CPNE4: variants seen among roughly 807,000 people sequenced by gnomAD.
CPNE4 encodes copine-4.
A neutral mutation model predicts 67.9 loss-of-function variants in CPNE4; 25 were observed. The ratio of observed to expected loss-of-function variants is 0.37; its 90% CI spans 0.27 to 0.51. The LOEUF is 0.51. Among genes scored for constraint, CPNE4 ranks in the 20% least tolerant of loss-of-function variants. The pLI, the probability that CPNE4 is intolerant of heterozygous loss-of-function variation, is 0.93. For missense variants in CPNE4, 464 were observed against 690.8 expected (o/e 0.67, Z 3.68); for synonymous variants, 242 against 244.9 (o/e 0.99, Z 0.11).
chr3:131,911,392 A>G (rs2088969804), intron 1 of CPNE4, among the ~76,000 whole-genome samples: 1 of 152,184 alleles, frequency 6.6e-6, no homozygotes, highest in African/African-American at 2.4e-5. Flanking sequence ...ACTTGGAGAC[A>G]GTGATTCCAA....
chr3:131,855,276 G>A (rs12635637), intron 2 of CPNE4, among the ~76,000 whole-genome samples: 11,612 of 151,978 alleles, frequency 0.076, 580 homozygotes, highest in East Asian at 0.17. Context: ...GCTAGCATAT[G>A]TTAAGGCATT....
chr3:131,661,511 G>A (rs1171206734), intron 7 of CPNE4, among the ~76,000 whole-genome samples: 2 of 152,184 alleles, frequency 1.3e-5, no homozygotes, highest in African/African-American at 4.8e-5. Flanking sequence ...GATTTCAGTA[G>A]AGGCAGCCTG....
intron 2 of CPNE4, among the ~76,000 whole-genome samples, chr3:131,786,193 C>G (rs866498062): frequency 6.6e-6 from 1 of 152,034 alleles, no homozygotes; most frequent in Admixed American, 6.6e-5. Flanking sequence ...TCCTCTTCTT[C>G]ATTTCTGGCA....
intron 2 of CPNE4, among the ~76,000 whole-genome samples, chr3:131,751,282 G>A (rs1057271065): frequency 1.3e-5 from 2 of 151,902 alleles, no homozygotes; most frequent in Non-Finnish European, 2.9e-5. Context: ...ATGACAACAC[G>A]AATATTCCAT....
intron 10 of CPNE4, among the ~76,000 whole-genome samples, chr3:131,568,141 A>G (rs1937154824): frequency 6.6e-6 from 1 of 152,058 alleles, no homozygotes; most frequent in Non-Finnish European, 1.5e-5. Flanking sequence ...AAAAAATTTT[A>G]TCATGTGACT....
intron 1 of CPNE4, among the ~76,000 whole-genome samples, chr3:132,020,838 C>T (rs1372936812): frequency 6.6e-6 from 1 of 152,166 alleles, no homozygotes; most frequent in Admixed American, 6.5e-5. Context: ...CAAAATTGCA[C>T]CCGCACACGA....
intron 7 of CPNE4, among the ~76,000 whole-genome samples, chr3:131,632,198 C>T (rs914232470): frequency 5.9e-5 from 9 of 151,780 alleles, no homozygotes; most frequent in Admixed American, 3.3e-4. Context: ...TCAGTAGAGT[C>T]GGGGTTTCAC....
At chr3:131,753,608 T>C (rs1472661116) in intron 2 of CPNE4, among the ~76,000 whole-genome samples, 1 of 152,066 alleles carries the variant, frequency 6.6e-6, no homozygotes, top group East Asian at 1.9e-4. Context: ...AGCAGAAAAC[T>C]GGGTAAAGAA....
intron 1 of CPNE4, among the ~76,000 whole-genome samples, chr3:132,009,693 T>C (rs1433307954): frequency 6.6e-6 from 1 of 152,144 alleles, no homozygotes; most frequent in Non-Finnish European, 1.5e-5. Flanking sequence ...TGGAAAAAAT[T>C]ATGTATGCAG....
chr3:131,721,149 C>T (rs1449076928), intron 3 of CPNE4, among the ~76,000 whole-genome samples: 1 of 152,050 alleles, frequency 6.6e-6, no homozygotes, highest in Non-Finnish European at 1.5e-5. Flanking sequence ...CCATCTTTAT[C>T]CCCAACTAAA....
intron 2 of CPNE4, among the ~76,000 whole-genome samples, chr3:131,883,657 C>G (rs546953891): frequency 6.6e-6 from 1 of 152,216 alleles, no homozygotes; most frequent in Non-Finnish European, 1.5e-5. Context: ...TTTTCTCTCA[C>G]TCTTGCTTTC....
intron 1 of CPNE4, among the ~76,000 whole-genome samples, chr3:132,021,962 T>C (rs1015932543): frequency 6.6e-6 from 1 of 152,162 alleles, no homozygotes; most frequent in African/African-American, 2.4e-5. Context: ...GCCTCCCAAA[T>C]TGGATATTAC....
At chr3:131,819,197 A>G (rs1009511105) in intron 2 of CPNE4, among the ~76,000 whole-genome samples, 1 of 152,214 alleles carries the variant, frequency 6.6e-6, no homozygotes, top group African/African-American at 2.4e-5. Flanking sequence ...GTAATACTTC[A>G]CTACTCATGA....
At chr3:131,684,214 G>C (rs2080828064) in intron 6 of CPNE4, among the ~76,000 whole-genome samples, 1 of 152,016 alleles carries the variant, frequency 6.6e-6, no homozygotes, top group Admixed American at 6.5e-5. Context: ...AGGATAATTA[G>C]AGGATGATTA....
intron 8 of CPNE4, among the ~76,000 whole-genome samples, chr3:131,585,624 T>C (rs578255040): frequency 6.6e-6 from 1 of 152,334 alleles, no homozygotes; most frequent in East Asian, 1.9e-4. Context: ...ATATTTCCCA[T>C]ATTTACTGCT....
chr3:131,801,444 G>GTATATATATATA (rs1479645211), intron 2 of CPNE4, among the ~76,000 whole-genome samples: 2 of 85,046 alleles, frequency 2.4e-5, no homozygotes, highest in Admixed American at 1.1e-4. Flanking sequence ...GTGTGTGTGT[G>GTATATATATATA]TGTGTGTGTA....
intron 7 of CPNE4, among the ~76,000 whole-genome samples, chr3:131,647,111 C>G (rs1329855709): frequency 6.6e-6 from 1 of 152,200 alleles, no homozygotes; most frequent in African/African-American, 2.4e-5. Flanking sequence ...CAAGATACTG[C>G]TTTGGCCAGG....
intron 2 of CPNE4, among the ~76,000 whole-genome samples, chr3:131,827,454 G>C (rs1279103889): frequency 1.3e-5 from 2 of 152,050 alleles, no homozygotes; most frequent in African/African-American, 4.8e-5. Context: ...TATTTCACTT[G>C]TATTTGTTGA....
chr3:131,812,005 C>T lies in CPNE4; in HGVS notation c.181-88380G>A, dbSNP rs143484699. Among the ~76,000 whole-genome samples, 618 of 152,072 alleles carry T rather than the reference C, an allele frequency of 4.1e-3. 5 individuals carry two copies. The highest frequency in any genetic ancestry group is 0.014 in the African/African-American group (589 of 41,498). On this transcript the variant is annotated intron_variant, in intron 2 of 15. Transcript: ENST00000429747. ...CTTGATATTTAAGTATAGGAGAGTG[C>T]GCCGTCCATGAAGGAGGGCTTGGAA...
Sources: gnomAD v4.1 joint callset for allele counts (sites outside exome capture counted in the v4.1 genomes callset) on GRCh38, gnomAD v4.1.1 for gene constraint, MANE v1.5 for transcripts, NCBI Gene and HGNC (gene_info 2026-07-23, HGNC 2026-07-21) for gene names.